The following PHLDB1 variants were observed in gnomAD, a reference collection of about 807,000 sequenced individuals.
PHLDB1 encodes pleckstrin homology-like domain family B member 1.
In PHLDB1, 65 loss-of-function variants were observed where a neutral mutation model predicts 139.3. The observed-to-expected ratio is 0.47, with a 90% CI of 0.38 to 0.57. PHLDB1 has a LOEUF of 0.57. Among genes scored for constraint, PHLDB1 ranks in the 20% least tolerant of loss-of-function variants. The pLI, the probability that PHLDB1 is intolerant of heterozygous loss-of-function variation, is 0.00. For synonymous variants in PHLDB1, 679 were observed against 734.5 expected (o/e 0.92, Z 1.22); for missense variants, 1,624 against 1,839.7 (o/e 0.88, Z 2.14).
At chr11:118,627,160 G>A in intron 5 of PHLDB1, 145 bp from the exon 6 acceptor site, 1 of 750,338 alleles carries the variant, frequency 1.3e-6, no homozygotes, top group South Asian at 1.8e-5. Flanking sequence ...GTCAGTGGCA[G>A]AGCTAGCTGG....
In PHLDB1 at chr11:118,647,831, C is replaced by T. The variant is rs560336889; in HGVS notation, c.3508-99C>T. ...ATGATGCCTCCTCATGCCAGACTAC[C>T]CTGAGGTGGATTCCTCCTGCAGCCC... On this transcript the variant is annotated intron_variant, in intron 17 of 22. Coordinates refer to ENST00000600882, the MANE Select transcript of PHLDB1 (RefSeq NM_001144758.3). 65 of 1,314,370 alleles carry T rather than the reference C, an allele frequency of 4.9e-5. No homozygotes were observed. The East Asian group carries it at 1.5e-3, about 31-fold the overall frequency. The allele number at this position is 1,314,370 out of a possible 1,614,324, so 81.4% of individuals were successfully genotyped here.
At chr11:118,626,728 C>T (rs552660755) in intron 5 of PHLDB1, among the ~76,000 whole-genome samples, 7 of 151,350 alleles carry the variant, frequency 4.6e-5, no homozygotes, top group Non-Finnish European at 8.8e-5. Flanking sequence ...AGGCAGTTCT[C>T]AGCTCACTGC....
rs1348296291 is a variant in PHLDB1, at chr11:118,610,897, A to G, written c.-21-2919A>G. Among the ~76,000 whole-genome samples the G allele has an allele frequency of 6.6e-6, 1 of 152,144 alleles. No individual in the cohort carries two copies. Among genetic ancestry groups the G allele is most frequent in the East Asian group, 1.9e-4 (1 of 5,170 alleles). ...GCCTTGCCTGTCGCTCGTCAAATCC[A>G]GACACCTGGGCCTCCGCCACTCGGC... On this transcript the variant is annotated intron_variant, in intron 1 of 22. Transcript: ENST00000600882. The surrounding 1 kb of genome is among the most constrained non-coding windows in gnomAD (Gnocchi z 8.7).
At chr11:118,626,084 A>T (rs1204062075) in intron 5 of PHLDB1, among the ~76,000 whole-genome samples, 1 of 152,128 alleles carries the variant, frequency 6.6e-6, no homozygotes, top group Non-Finnish European at 1.5e-5. Context: ...TCTTGCTGGC[A>T]TGGCTTAATG....
At chr11:118,646,350 A>G (rs1053859135) in intron 17 of PHLDB1, 3 of 153,008 alleles carry the variant, frequency 2.0e-5, no homozygotes, top group African/African-American at 7.2e-5. Context: ...GCTCTTAGGA[A>G]CAGAGAAGGC....
In PHLDB1 at chr11:118,631,970, C is replaced by A; in HGVS notation, c.2158C>A (p.Arg720=). ...QGEVLALEEE[R]AQVLGHVEQL... ...AGAGGTGCTAGCCCTGGAAGAAGAG[C>A]GGGCTCAGGTGCTGGGGCACGTGGA... Residue 720 remains arginine (R), a synonymous_variant, in exon 8 of 23, where the codon CGG becomes AGG. Transcript: ENST00000600882. The A allele has an allele frequency of 6.2e-7, 1 of 1,614,086 alleles. No individual in the cohort carries two copies. Among genetic ancestry groups the A allele is most frequent in the Non-Finnish European group, 8.5e-7 (1 of 1,179,966 alleles).
intron 3 of PHLDB1, 41 bp downstream of exon 3, chr11:118,614,723 C>A: frequency 6.2e-7 from 1 of 1,600,418 alleles, no homozygotes; most frequent in Non-Finnish European, 8.5e-7. Context: ...CCCCTCTATC[C>A]TTATAGGCAT....
At chr11:118,640,615 CA>C (rs1946355683) in intron 12 of PHLDB1, 1 of 153,082 alleles carries the variant, frequency 6.5e-6, no homozygotes, top group Non-Finnish European at 1.5e-5. Context: ...CACCTTCCCC[CA>C]CCTGTTTCTA....
chr11:118,646,261 A>G (rs1947513604), intron 17 of PHLDB1: 1 of 92,884 alleles, frequency 1.1e-5, no homozygotes, highest in Non-Finnish European at 2.5e-5. Context: ...CTCCGTCTCA[A>G]AAAAAAAAAA....
chr11:118,620,373 A>AG lies in PHLDB1; in HGVS notation c.355+4163dup, dbSNP rs1735182326. 1.3e-5 allele frequency among the ~76,000 whole-genome samples: 2 copies of AG among 152,244 alleles called. No homozygotes were observed. The highest frequency in any genetic ancestry group is 1.3e-4 in the Admixed American group (2 of 15,284). On this transcript the variant is annotated intron_variant, in intron 4 of 22. Coordinates refer to ENST00000600882, the MANE Select transcript of PHLDB1 (RefSeq NM_001144758.3). The surrounding 1 kb of genome is among the most constrained non-coding windows in gnomAD (Gnocchi z 4.1). The stretch of plus-strand genomic sequence containing the variant: ...TGGGTGTGTGGTGGCGCATGCCTGT[A>AG]GTCCCAGCTATGGGAGGCTGAGGCA...
chr11:118,644,084 A>G lies in PHLDB1; in HGVS notation c.3031A>G (p.Thr1011Ala). ...CATTCCTCTGCAGAGCGCTCTACTCACCCAGAATGGCACGGGCAGCCTTCC... is the reference window on the plus strand; with the variant it reads ...CATTCCTCTGCAGAGCGCTCTACTCGCCCAGAATGGCACGGGCAGCCTTCC... ...RSPSPKSALL[T>A]QNGTGSLPRN... The change falls in exon 15 of 23, where the codon ACC (threonine) becomes GCC (alanine). Residue 1011 changes from threonine (T) to alanine (A), a missense_variant. By Grantham distance (58) the Thr-to-Ala change is moderately conservative. Coordinates refer to ENST00000600882, the MANE Select transcript of PHLDB1 (RefSeq NM_001144758.3). 2 of 1,613,746 alleles carry G rather than the reference A, an allele frequency of 1.2e-6. No homozygotes were observed. Among genetic ancestry groups the G allele is most frequent in the Non-Finnish European group, 1.7e-6 (2 of 1,179,862 alleles).
chr11:118,614,697 G>A lies in PHLDB1; in HGVS notation c.184+15G>A, dbSNP rs1565393167. ...GCTGGAGGAAGGTAAGTGTGAACAG[G>A]GCATCTCACTCACCACCCCTCTATC... On this transcript the variant is annotated intron_variant, in intron 3 of 22. Transcript: ENST00000600882. 6.2e-7 allele frequency: 1 copy of A among 1,612,776 alleles called. No individual in the cohort carries two copies. Among genetic ancestry groups the A allele is most frequent in the South Asian group, 1.1e-5 (1 of 91,002 alleles).
Position 118,613,899 on chromosome 11 carries a change from G to T in PHLDB1, c.60+3G>T. On this transcript the variant is annotated splice_donor_region_variant and intron_variant, in intron 2 of 22. Coordinates refer to ENST00000600882, the MANE Select transcript of PHLDB1 (RefSeq NM_001144758.3). ...GCCAGACCCAGACCATGGTGCAGGTGAGTGGGATCAGGGCTGTGAGGCAAG... is the reference window on the plus strand; with the variant it reads ...GCCAGACCCAGACCATGGTGCAGGTTAGTGGGATCAGGGCTGTGAGGCAAG... 2 of 1,593,184 alleles carry T rather than the reference G, an allele frequency of 1.3e-6. No homozygotes were observed. The highest frequency in any genetic ancestry group is 2.2e-5 in the South Asian group (2 of 90,250).
In PHLDB1 at chr11:118,632,323, G is replaced by T; in HGVS notation, c.2379+27G>T. Reference sequence around the variant, plus strand: ...TAACCCACACCTGGCCCAGCTTAGTGCTGGGTACCAGTGGCCTGGGAGAGA... The same window carrying T: ...TAACCCACACCTGGCCCAGCTTAGTTCTGGGTACCAGTGGCCTGGGAGAGA... On this transcript the variant is annotated intron_variant, in intron 9 of 22. Coordinates refer to ENST00000600882, the MANE Select transcript of PHLDB1 (RefSeq NM_001144758.3). This position sits in a 1 kb window ranked among gnomAD's most constrained non-coding sequence, Gnocchi z 5.9. 1.2e-6 allele frequency: 2 copies of T among 1,611,120 alleles called. No homozygotes were observed. The highest frequency in any genetic ancestry group is 1.1e-5 in the South Asian group (1 of 90,976).
Position 118,643,548 on chromosome 11 carries a change from T to C in PHLDB1, c.2878-252T>C, listed in dbSNP as rs553426525. The C allele has an allele frequency of 2.6e-5, 26 of 985,438 alleles. No homozygotes were observed. The South Asian group carries it at 1.1e-3, about 43-fold the overall frequency. The allele number at this position is 985,438 out of a possible 1,614,324, so 61.0% of individuals were successfully genotyped here. A position where few individuals can be genotyped will look rare whatever the true frequency, so the allele number is the denominator to read the frequency against. The stretch of plus-strand genomic sequence containing the variant: ...CTGACATTAAATCCTTGCATGGGTC[T>C]GTTTACAGGTCTTTTCTTAGACCCA... On this transcript the variant is annotated intron_variant, in intron 13 of 22. Coordinates refer to ENST00000600882, the MANE Select transcript of PHLDB1 (RefSeq NM_001144758.3).
intron 6 of PHLDB1, among the ~76,000 whole-genome samples, chr11:118,629,185 G>A (rs781785218): frequency 3.9e-5 from 6 of 152,222 alleles, no homozygotes; most frequent in Non-Finnish European, 8.8e-5. Flanking sequence ...TCTACAAGTG[G>A]GTGGGAGCTG....
In PHLDB1 at chr11:118,632,505, G is replaced by A. The variant is rs1944965853; in HGVS notation, c.2379+209G>A. On this transcript the variant is annotated intron_variant, in intron 9 of 22. Transcript: ENST00000600882. The surrounding 1 kb of genome is among the most constrained non-coding windows in gnomAD (Gnocchi z 5.9). ...CTGCCAGGGGCTGGGCTGGTGTCTG[G>A]GGTCTCCTCTGTCTGGGTCTGTGTG... 4.9e-6 allele frequency: 3 copies of A among 616,850 alleles called. No individual in the cohort carries two copies. In the South Asian group the frequency reaches 5.9e-5, roughly 12 times the overall value. 38.2% of individuals were successfully genotyped at this position (616,850 alleles called of 1,614,324 possible). A position where few individuals can be genotyped will look rare whatever the true frequency, so the allele number is the denominator to read the frequency against.
At chr11:118,624,545 T>G in intron 4 of PHLDB1, 1 of 249,166 alleles carries the variant, frequency 4.0e-6, no homozygotes, top group South Asian at 4.3e-5. Flanking sequence ...TGGGGTAACT[T>G]CAGTCCTGCC....
chr11:118,631,240 T>C lies in PHLDB1; in HGVS notation c.1861T>C (p.Cys621Arg), dbSNP rs1555109655. The C allele has an allele frequency of 6.9e-7, 1 of 1,457,192 alleles. No homozygotes were observed. Among genetic ancestry groups the C allele is most frequent in the South Asian group, 1.5e-5 (1 of 65,976 alleles). 90.3% of individuals were successfully genotyped at this position (1,457,192 alleles called of 1,614,324 possible). The change falls in exon 7 of 23, where the codon TGT (cysteine) becomes CGT (arginine). Residue 621 changes from cysteine (C) to arginine (R), a missense_variant. Cys to Arg is a radical substitution (Grantham distance 180). Transcript: ENST00000600882. ...GCGCCTGGAGACCATCCTGAACCTGTGTGCCGAATACAGCCGGGCTGATGG... is the reference window on the plus strand; with the variant it reads ...GCGCCTGGAGACCATCCTGAACCTGCGTGCCGAATACAGCCGGGCTGATGG... ...RQRLETILNL[C>R]AEYSRADGGP...
Sources: allele counts gnomAD v4.1 joint callset (sites outside exome capture counted in the v4.1 genomes callset), GRCh38; gene constraint gnomAD v4.1.1; non-coding constraint Gnocchi (gnomAD v3.1); transcripts MANE v1.5; gene names NCBI Gene and HGNC (gene_info 2026-07-23, HGNC 2026-07-21).